CACNA1A: variants seen among roughly 807,000 people sequenced by gnomAD.
The protein encoded by CACNA1A is calcium voltage-gated channel subunit alpha1 A.
CACNA1A carries 57 observed loss-of-function variants against 262.4 expected under a neutral mutation model. The observed-to-expected ratio is 0.22, with a 90% CI of 0.18 to 0.27. The LOEUF (loss-of-function observed/expected upper bound fraction) is 0.27. Ranked by LOEUF, CACNA1A falls within the 10% of genes least tolerant of loss-of-function variation. CACNA1A has a pLI of 1.00. For synonymous variants in CACNA1A, 1,431 were observed against 1,419.3 expected, an observed-to-expected ratio of 1.01 and a Z score of -0.18; for missense variants, 2,526 against 3,562.8, an observed-to-expected ratio of 0.71 and a Z score of 7.41.
At chr19:13,438,005 T>C (rs900571232) in intron 3 of CACNA1A, among the ~76,000 whole-genome samples, 2 of 152,200 alleles carry the variant, frequency 1.3e-5, no homozygotes, top group South Asian at 4.1e-4. Context: ...ACAGTGAGAT[T>C]TGATAAAAGC....
chr19:13,310,159 A>G (rs2057990142), intron 12 of CACNA1A, among the ~76,000 whole-genome samples: 1 of 151,910 alleles, frequency 6.6e-6, no homozygotes, highest in Non-Finnish European at 1.5e-5. Context: ...ATCATCCTTA[A>G]AAAATACAGT....
At chr19:13,469,934 T>G (rs1206104389) in intron 1 of CACNA1A, among the ~76,000 whole-genome samples, 1 of 152,036 alleles carries the variant, frequency 6.6e-6, no homozygotes, top group East Asian at 1.9e-4. Context: ...GTTTCTCTCC[T>G]GGAAAAAATC....
intron 3 of CACNA1A, chr19:13,452,273 A>G (rs2060930603): frequency 6.6e-6 from 1 of 152,228 alleles, no homozygotes. Context: ...TTTCAACCAC[A>G]GTTCATCATA....
chr19:13,462,895 G>A (rs1328143287), intron 1 of CACNA1A, among the ~76,000 whole-genome samples: 2 of 152,118 alleles, frequency 1.3e-5, no homozygotes, highest in East Asian at 1.9e-4. Context: ...GAGTAGCTGG[G>A]ACTATAGGTG....
intron 10 of CACNA1A, 90 bp from the exon 11 acceptor site, chr19:13,317,411 G>A (rs913279968): frequency 2.8e-6 from 3 of 1,088,880 alleles, no homozygotes; most frequent in Middle Eastern, 3.0e-4. Flanking sequence ...ATTTTAGCCA[G>A]GGGATCCATT....
rs370364972 is a variant in CACNA1A, at chr19:13,214,218, C to G, written c.5940+15G>C. ...GTCCCCAGCCCAGATGTCCCCAGAG[C>G]GGCGAACAGCGCACCTGCTCCTCGC... is the stretch of plus-strand genomic sequence containing the variant. On this transcript the variant is annotated intron_variant, in intron 40 of 46. Transcript: ENST00000360228. The surrounding 1 kb of genome is among the most constrained non-coding windows in gnomAD (Gnocchi z 4.1). The G allele has an allele frequency of 1.4e-5, 23 of 1,593,020 alleles. No individual in the cohort carries two copies. Among genetic ancestry groups the G allele is most frequent in the Admixed American group, 3.4e-5 (2 of 58,692 alleles).
Position 13,234,055 on chromosome 19 carries a change from A to AG in CACNA1A, c.5249+865_5249+866insC, listed in dbSNP as rs113591661. ...ACAGAGAGAGACTCCATCTAAAAAA[A>AG]AAAAAAAAAAAGGGCTGGGCACGGT... On this transcript the variant is annotated intron_variant, in intron 34 of 46. Coordinates refer to ENST00000360228, the MANE Select transcript of CACNA1A (RefSeq NM_001127222.2). Among the ~76,000 whole-genome samples the AG allele has an allele frequency of 6.7e-4, 99 of 148,310 alleles. 1 individual carries two copies. The highest frequency in any genetic ancestry group is 2.4e-3 in the African/African-American group (96 of 40,344).
intron 3 of CACNA1A, among the ~76,000 whole-genome samples, chr19:13,447,616 G>A (rs1479201242): frequency 6.6e-6 from 1 of 152,224 alleles, no homozygotes; most frequent in African/African-American, 2.4e-5. Context: ...GGAAGCCAGT[G>A]GTGGATCCGT....
At chr19:13,409,076 T>G (rs2060063065) in intron 3 of CACNA1A, among the ~76,000 whole-genome samples, 1 of 152,214 alleles carries the variant, frequency 6.6e-6, no homozygotes. Context: ...CACTTTCTCA[T>G]TCACGCCATC....
At chr19:13,468,390 T>C (rs1225298427) in intron 1 of CACNA1A, among the ~76,000 whole-genome samples, 1 of 152,152 alleles carries the variant, frequency 6.6e-6, no homozygotes, top group African/African-American at 2.4e-5. Context: ...CAAGGGGGAA[T>C]CCTTTTCCTC....
chr19:13,266,811 G>A (rs2056874060), intron 24 of CACNA1A, among the ~76,000 whole-genome samples: 2 of 152,290 alleles, frequency 1.3e-5, no homozygotes, highest in East Asian at 3.9e-4. Context: ...CTGACCTCAA[G>A]TGATCTACCC....
intron 1 of CACNA1A, among the ~76,000 whole-genome samples, chr19:13,489,034 CG>C (rs1339305497): frequency 4.0e-5 from 3 of 75,330 alleles, no homozygotes; most frequent in African/African-American, 2.8e-4. Flanking sequence ...TTTTTTGAGA[CG>C]GAGTCTCTCT....
At position 13,286,567 on chromosome 19, in the gene CACNA1A, G is replaced by C. The variant is rs771567638; in HGVS notation, c.3489C>G (p.Pro1163=). 5.2e-6 allele frequency: 8 copies of C among 1,550,078 alleles called. No homozygotes were observed. Among genetic ancestry groups the C allele is most frequent in the Non-Finnish European group, 6.9e-6 (8 of 1,152,126 alleles). The change falls in exon 20 of 47, where the codon CCC becomes CCG. Residue 1163 remains proline, a synonymous_variant. Transcript: ENST00000360228. ...GGGGGATGTCCACTGTGGTGTGGTC[G>C]GGTTTCCTGGCAGTCTTAGCTGAAT... ...QTNSAKTARK[P]DHTTVDIPPA... is the part of the protein sequence containing the mutation.
chr19:13,506,446 G>T lies in CACNA1A; in HGVS notation c.-222C>A. ...GGCTGCCCGGGCCGAGCCGGGGATA[G>T]CAGCTCGGGACATCTTCCTGGCTGA... On this transcript the variant is annotated 5_prime_UTR_variant, in exon 1 of 47. Transcript: ENST00000360228. 2.7e-6 allele frequency: 1 copy of T among 368,800 alleles called. No homozygotes were observed. The allele number at this position is 368,800 out of a possible 1,614,324, so 22.8% of individuals were successfully genotyped here.
Position 13,380,151 on chromosome 19 carries a change from G to A in CACNA1A, c.540-8372C>T, listed in dbSNP as rs375234914. ...ATACAAAAATTAGCTGGGCGTGGTG[G>A]CGGGTGTCTGTAGTCCCAGCTACTT... On this transcript the variant is annotated intron_variant, in intron 3 of 46. Coordinates refer to ENST00000360228, the MANE Select transcript of CACNA1A (RefSeq NM_001127222.2). Among the ~76,000 whole-genome samples, 245 of 130,712 alleles carry A rather than the reference G, an allele frequency of 1.9e-3. 6 individuals carry two copies. In the East Asian group the frequency reaches 0.052, roughly 28 times the overall value. 85.8% of individuals were successfully genotyped at this position (130,712 alleles called of 152,430 possible). A position where few individuals can be genotyped will look rare whatever the true frequency, so the allele number is the denominator to read the frequency against.
rs1182689677 is a variant in CACNA1A, at chr19:13,241,952, C to T, written c.4950+3230G>A. Among the ~76,000 whole-genome samples the T allele has an allele frequency of 6.6e-6, 1 of 152,146 alleles. No individual in the cohort carries two copies. Among genetic ancestry groups the T allele is most frequent in the South Asian group, 2.1e-4 (1 of 4,824 alleles). On this transcript the variant is annotated intron_variant, in intron 31 of 46. Coordinates refer to ENST00000360228, the MANE Select transcript of CACNA1A (RefSeq NM_001127222.2). The surrounding 1 kb of genome is among the most constrained non-coding windows in gnomAD (Gnocchi z 4.0). ...CCTCTGCCCCCTAAACCCCAGGGAC[C>T]TGCCCGCCCAAGCATCTGGCATTTC...
chr19:13,499,383 C>T (rs1982071151), intron 1 of CACNA1A, among the ~76,000 whole-genome samples: 1 of 135,972 alleles, frequency 7.4e-6, no homozygotes, highest in East Asian at 2.1e-4. Flanking sequence ...GCAAAATGTC[C>T]AAAGGTGGCT....
intron 27 of CACNA1A, chr19:13,258,422 C>T (rs564830670): frequency 3.9e-5 from 6 of 152,252 alleles, no homozygotes; most frequent in East Asian, 3.9e-4. Flanking sequence ...TGTGTCTAAG[C>T]GATACCTTCA....
intron 31 of CACNA1A, among the ~76,000 whole-genome samples, chr19:13,242,306 CTTTTT>C (rs2056101901): frequency 6.6e-6 from 1 of 152,048 alleles, no homozygotes; most frequent in South Asian, 2.1e-4. Context: ...TCTTCCTTTT[CTTTTT>C]GAGACAGAGT....
Sources: allele counts gnomAD v4.1 joint callset (sites outside exome capture counted in the v4.1 genomes callset), GRCh38; gene constraint gnomAD v4.1.1; non-coding constraint Gnocchi (gnomAD v3.1); transcripts MANE v1.5; gene names NCBI Gene and HGNC (gene_info 2026-07-23, HGNC 2026-07-21).